CCDC85A: variants seen among roughly 807,000 people sequenced by gnomAD.
The protein encoded by CCDC85A is coiled-coil domain containing 85A, also known as coiled-coil domain-containing protein 85A.
Under a neutral mutation model 50.2 loss-of-function variants are expected in CCDC85A, and 38 were observed. The ratio of observed to expected loss-of-function variants is 0.76; its 90% confidence interval spans 0.58 to 0.99. CCDC85A has a LOEUF of 0.99. CCDC85A is among the 50% of genes least tolerant of loss of function. The pLI, the probability that CCDC85A is intolerant of heterozygous loss-of-function variation, is 0.00. For synonymous variants in CCDC85A, 366 were observed against 301.4 expected (o/e 1.21, Z -2.22); for missense variants, 820 against 742.0 (o/e 1.11, Z -1.22).
chr2:56,194,069 C>G (rs1046872330), intron 2 of CCDC85A, among the ~76,000 whole-genome samples: 5 of 152,182 alleles, frequency 3.3e-5, no homozygotes, highest in Non-Finnish European at 7.3e-5. Flanking sequence ...AGCTGATTCC[C>G]TTTCTACTCA....
At chr2:56,372,300 C>T in intron 3 of CCDC85A, 44 bp from the exon 4 acceptor site, 5 of 1,456,760 alleles carry the variant, frequency 3.4e-6, no homozygotes, top group Admixed American at 2.4e-5. Context: ...ACTTGGGAAA[C>T]AGTATTTTTC....
At chr2:56,214,150 G>T (rs1289180634) in intron 2 of CCDC85A, among the ~76,000 whole-genome samples, 2 of 151,870 alleles carry the variant, frequency 1.3e-5, no homozygotes, top group African/African-American at 4.8e-5. Flanking sequence ...ATGAGATCTG[G>T]GGCCAGACAA....
At chr2:56,210,773 G>C (rs1016160300) in intron 2 of CCDC85A, among the ~76,000 whole-genome samples, 1 of 151,906 alleles carries the variant, frequency 6.6e-6, no homozygotes, top group Non-Finnish European at 1.5e-5. Context: ...GGTGATCCAA[G>C]GGCAAGTGTC....
chr2:56,335,748 C>T (rs1022813624), intron 2 of CCDC85A, among the ~76,000 whole-genome samples: 1 of 151,622 alleles, frequency 6.6e-6, no homozygotes, highest in Non-Finnish European at 1.5e-5. Context: ...ATTACAGGTG[C>T]CTGCCACCAC....
chr2:56,332,536 G>C (rs916852290), intron 2 of CCDC85A, among the ~76,000 whole-genome samples: 1 of 151,960 alleles, frequency 6.6e-6, no homozygotes, highest in Admixed American at 6.6e-5. Context: ...CCTCACCTTG[G>C]AGGTTAGGTT....
chr2:56,346,935 G>T lies in CCDC85A; in HGVS notation c.1317+3980G>T, dbSNP rs1200331005. 2.0e-5 allele frequency among the ~76,000 whole-genome samples: 3 copies of T among 152,114 alleles called. No individual in the cohort carries two copies. In the East Asian group the frequency reaches 5.8e-4, roughly 29 times the overall value. On this transcript the variant is annotated intron_variant, in intron 3 of 5. Transcript: ENST00000407595. The stretch of plus-strand genomic sequence containing the variant: ...GTGATGTGAACCTCAAACAAAAATC[G>T]TGCTTAAATAAATTTATTTAAATAA...
At chr2:56,210,345 T>G (rs1677132411) in intron 2 of CCDC85A, among the ~76,000 whole-genome samples, 1 of 152,108 alleles carries the variant, frequency 6.6e-6, no homozygotes, top group Non-Finnish European at 1.5e-5. Flanking sequence ...TAACACTGAC[T>G]GCACATTGCC....
intron 2 of CCDC85A, among the ~76,000 whole-genome samples, chr2:56,282,831 T>G (rs1310958302): frequency 6.6e-6 from 1 of 152,248 alleles, no homozygotes; most frequent in Non-Finnish European, 1.5e-5. Context: ...TTATTTGGAC[T>G]GCTTTAATTT....
chr2:56,281,216 T>G (rs1671192758), intron 2 of CCDC85A, among the ~76,000 whole-genome samples: 1 of 152,202 alleles, frequency 6.6e-6, no homozygotes, highest in Non-Finnish European at 1.5e-5. Context: ...TCTGGATTCT[T>G]TCACTGAACA....
At chr2:56,327,254 G>T (rs1377985802) in intron 2 of CCDC85A, among the ~76,000 whole-genome samples, 1 of 152,110 alleles carries the variant, frequency 6.6e-6, no homozygotes, top group African/African-American at 2.4e-5. Flanking sequence ...GGAATTGTGG[G>T]TGTTAAAGAG....
At chr2:56,338,202 A>G (rs966969436) in intron 2 of CCDC85A, among the ~76,000 whole-genome samples, 2 of 152,142 alleles carry the variant, frequency 1.3e-5, no homozygotes, top group Non-Finnish European at 2.9e-5. Context: ...CTGAAATCTC[A>G]GTTTTATGAA....
chr2:56,268,732 T>A (rs1558615185), intron 2 of CCDC85A, among the ~76,000 whole-genome samples: 1 of 152,124 alleles, frequency 6.6e-6, no homozygotes, highest in African/African-American at 2.4e-5. Flanking sequence ...GAAGATTGTA[T>A]AATGTTTTAA....
Position 56,301,525 on chromosome 2 carries a change from A to T in CCDC85A, c.1241-41354A>T, listed in dbSNP as rs546195353. Reference sequence around the variant, plus strand: ...CAGAGGTATATAAGAATGAATAATTATTTTTTTGATAACATGATTAATACC... The same window carrying T: ...CAGAGGTATATAAGAATGAATAATTTTTTTTTTGATAACATGATTAATACC... On this transcript the variant is annotated intron_variant, in intron 2 of 5. Coordinates refer to ENST00000407595, the MANE Select transcript of CCDC85A (RefSeq NM_001080433.2). 5.3e-5 allele frequency among the ~76,000 whole-genome samples: 8 copies of T among 152,294 alleles called. No individual in the cohort carries two copies. The South Asian group carries it at 1.7e-3, about 32-fold the overall frequency.
At chr2:56,329,362 T>A (rs1004590684) in intron 2 of CCDC85A, among the ~76,000 whole-genome samples, 2 of 152,202 alleles carry the variant, frequency 1.3e-5, no homozygotes. Context: ...CCTACTAGAA[T>A]GTTCCTGGAG....
At chr2:56,243,485 T>G (rs1290906442) in intron 2 of CCDC85A, among the ~76,000 whole-genome samples, 2 of 152,258 alleles carry the variant, frequency 1.3e-5, no homozygotes, top group Non-Finnish European at 2.9e-5. Flanking sequence ...TGATTCTTTT[T>G]ATTTATTTCA....
At chr2:56,227,415 G>T (rs1668587587) in intron 2 of CCDC85A, among the ~76,000 whole-genome samples, 1 of 152,154 alleles carries the variant, frequency 6.6e-6, no homozygotes, top group South Asian at 2.1e-4. Context: ...GATTTTATTA[G>T]TTGTGGAAAA....
chr2:56,312,757 A>G (rs1338880723), intron 2 of CCDC85A, among the ~76,000 whole-genome samples: 2 of 152,204 alleles, frequency 1.3e-5, no homozygotes, highest in Admixed American at 1.3e-4. Context: ...TCTGTGCAGC[A>G]CTTTCATTTT....
At chr2:56,248,466 C>G (rs1669607313) in intron 2 of CCDC85A, among the ~76,000 whole-genome samples, 2 of 152,170 alleles carry the variant, frequency 1.3e-5, no homozygotes, top group African/African-American at 4.8e-5. Context: ...GTGCTGTCTT[C>G]TCTGCCTTGT....
intron 2 of CCDC85A, among the ~76,000 whole-genome samples, chr2:56,337,869 C>T (rs1674154083): frequency 2.6e-5 from 4 of 151,812 alleles, no homozygotes; most frequent in Admixed American, 1.3e-4. Flanking sequence ...ACTGCAACCT[C>T]CGCCTCCCGG....
Sources: gnomAD v4.1 joint callset for allele counts (sites outside exome capture counted in the v4.1 genomes callset) on GRCh38, gnomAD v4.1.1 for gene constraint, MANE v1.5 for transcripts, NCBI Gene and HGNC (gene_info 2026-07-23, HGNC 2026-07-21) for gene names.